The following LRP5 variants were observed in gnomAD, a reference collection of about 807,000 sequenced individuals.
The protein encoded by LRP5 is LDL receptor related protein 5.
Under a neutral mutation model 154.1 loss-of-function variants are expected in LRP5, and 62 were observed. The observed-to-expected ratio is 0.40, with a 90% CI of 0.33 to 0.50. The LOEUF is 0.50. LRP5 is among the 20% of genes least tolerant of loss of function. The pLI, the probability that LRP5 is intolerant of heterozygous loss-of-function variation, is 0.55. For missense variants in LRP5, 1,915 were observed against 2,336.7 expected (o/e 0.82, Z 3.72); for synonymous variants, 966 against 1,011.5 (o/e 0.96, Z 0.85).
chr11:68,372,945 C>G (rs548050388), intron 5 of LRP5, among the ~76,000 whole-genome samples: 145 of 152,176 alleles, frequency 9.5e-4, no homozygotes, highest in African/African-American at 3.2e-3. Context: ...CACTCAGACT[C>G]TTAAGACACA....
chr11:68,409,071 AAAAT>A (rs2098657528), intron 9 of LRP5, among the ~76,000 whole-genome samples: 5 of 52,626 alleles, frequency 9.5e-5, no homozygotes, highest in African/African-American at 1.0e-4. Flanking sequence ...AAAAAAAAAA[AAAAT>A]ATATATATAT....
rs200913400 is a variant in LRP5 at position 68,420,414 on chromosome 11, GT to G, written c.3028-3073del. 7.9e-3 allele frequency among the ~76,000 whole-genome samples: 1,209 copies of G among 152,144 alleles called. 14 individuals are homozygous for G. Among genetic ancestry groups the G allele is most frequent in the African/African-American group, 0.028 (1,144 of 41,520 alleles). On this transcript the variant is annotated intron_variant, in intron 13 of 22. Transcript: ENST00000294304. ...TTCCTTAAAGCCTGAATAATAACCC[GT>G]TGTAAAGGCTGGGCGCGGTGGCTCA...
At position 68,312,733 on chromosome 11, in the gene LRP5, G is replaced by C. The variant is rs1320492358; in HGVS notation, c.19G>C (p.Gly7Arg). 2 of 1,054,522 alleles carry C rather than the reference G, an allele frequency of 1.9e-6. No homozygotes were observed. The highest frequency in any genetic ancestry group is 2.3e-6 in the Non-Finnish European group (2 of 874,984). 65.3% of individuals were successfully genotyped at this position (1,054,522 alleles called of 1,614,324 possible). The change falls in exon 1 of 23, where the codon GGG becomes CGG. Residue 7 changes from glycine (G) to arginine (R), a missense_variant. By Grantham distance (125) the Gly-to-Arg change is moderately radical (BLOSUM62 -2). Around this residue, in one of 3 missense-constraint regions of LRP5, gnomAD observed 48 missense variants for 25.7 expected, o/e 1.87. Transcript: ENST00000294304. MEAAPPGPPWPLLLLLL... is the reference protein window; with the variant it reads MEAAPPRPPWPLLLLLL... ...GGACAACATGGAGGCAGCGCCGCCC[G>C]GGCCGCCGTGGCCGCTGCTGCTGCT...
chr11:68,324,709 A>G (rs1591175808), intron 1 of LRP5, among the ~76,000 whole-genome samples: 1 of 152,230 alleles, frequency 6.6e-6, no homozygotes, highest in Non-Finnish European at 1.5e-5. Context: ...AGCTGTGCCC[A>G]CTGGCAGAGC....
intron 2 of LRP5, among the ~76,000 whole-genome samples, chr11:68,355,608 A>G (rs1398628431): frequency 6.6e-6 from 1 of 152,130 alleles, no homozygotes; most frequent in African/African-American, 2.4e-5. Context: ...ACCTCCAAAC[A>G]GGGCACACTG....
At chr11:68,348,608 G>C (rs1372099967) in intron 2 of LRP5, among the ~76,000 whole-genome samples, 1 of 150,534 alleles carries the variant, frequency 6.6e-6, no homozygotes, top group Admixed American at 6.6e-5. Flanking sequence ...GAACCCGTGG[G>C]GGGGTTGGCT....
chr11:68,312,789 C>A lies in LRP5; in HGVS notation c.75C>A (p.Cys25Ter). Residue 25 changes from cysteine (C) to a stop codon, truncating the protein, a stop_gained, in exon 1 of 23, where the codon TGC becomes TGA. Coordinates refer to ENST00000294304, the MANE Select transcript of LRP5 (RefSeq NM_002335.4). LOFTEE classifies it high-confidence loss of function. ...LLLLLLALCGCPAPAAASPLL... is the reference protein window; with the variant it reads ...LLLLLLALCG ...TGCTGCTGCTGGCGCTGTGCGGCTG[C>A]CCGGCCCCCGCCGCGGGTAGGTGGG... 1 of 1,079,392 alleles carries A rather than the reference C, an allele frequency of 9.3e-7. No homozygotes were observed. 66.9% of individuals were successfully genotyped at this position (1,079,392 alleles called of 1,614,324 possible). A position where few individuals can be genotyped will look rare whatever the true frequency, so the allele number is the denominator to read the frequency against.
At chr11:68,431,744 A>C (rs189986311) in intron 17 of LRP5, among the ~76,000 whole-genome samples, 9 of 152,296 alleles carry the variant, frequency 5.9e-5, no homozygotes, top group African/African-American at 2.2e-4. Flanking sequence ...TTGCAACCCA[A>C]CGGTGTCTGT....
At chr11:68,312,891 G>A in intron 1 of LRP5, 86 bp downstream of exon 1, 3 of 756,950 alleles carry the variant, frequency 4.0e-6, no homozygotes, top group Non-Finnish European at 3.2e-6. Context: ...GGGCGCCGCC[G>A]CCGTCTCGGA....
At chr11:68,417,662 C>T (rs1192693445) in intron 13 of LRP5, among the ~76,000 whole-genome samples, 3 of 151,632 alleles carry the variant, frequency 2.0e-5, no homozygotes, top group Admixed American at 6.6e-5. Context: ...AGGCTGGGCG[C>T]GGTGGCTCAC....
intron 7 of LRP5, among the ~76,000 whole-genome samples, chr11:68,396,651 C>T (rs1382129562): frequency 1.3e-5 from 2 of 152,156 alleles, no homozygotes; most frequent in East Asian, 3.8e-4. Flanking sequence ...CTGGGAGGCC[C>T]CTCCTGCTGG....
At chr11:68,436,144 G>A (rs1045682270) in intron 18 of LRP5, among the ~76,000 whole-genome samples, 5 of 152,166 alleles carry the variant, frequency 3.3e-5, no homozygotes, top group East Asian at 3.9e-4. Context: ...CCCTTACGCC[G>A]GTTCTGGCTG....
chr11:68,323,933 C>T (rs1278137015), intron 1 of LRP5, among the ~76,000 whole-genome samples: 2 of 152,206 alleles, frequency 1.3e-5, no homozygotes, highest in African/African-American at 2.4e-5. Flanking sequence ...CCCGCAGCCG[C>T]CTGCTCCCTT....
At chr11:68,415,979 CGA>C (rs2098662306) in intron 12 of LRP5, among the ~76,000 whole-genome samples, 1 of 150,480 alleles carries the variant, frequency 6.6e-6, no homozygotes, top group Non-Finnish European at 1.5e-5. Context: ...GGCGTGAACC[CGA>C]GAGGCAGAGC....
chr11:68,361,128 AC>A (rs1279727702), intron 3 of LRP5, among the ~76,000 whole-genome samples: 1 of 149,886 alleles, frequency 6.7e-6, no homozygotes, highest in African/African-American at 2.4e-5. Flanking sequence ...ACACAGTGAA[AC>A]CCTGTCTCTA....
intron 10 of LRP5, 59 bp downstream of exon 10, chr11:68,410,199 G>A (rs976890928): frequency 9.9e-6 from 14 of 1,416,084 alleles, no homozygotes; most frequent in Admixed American, 1.9e-5. Context: ...CAGTGCGGGG[G>A]TGCCAACTGG....
At chr11:68,343,933 C>T (rs1381471540) in intron 1 of LRP5, among the ~76,000 whole-genome samples, 2 of 152,220 alleles carry the variant, frequency 1.3e-5, no homozygotes, top group African/African-American at 4.8e-5. Context: ...GGGCTCCTCC[C>T]TCACTGAGTG....
At chr11:68,333,787 T>C (rs1022737057) in intron 1 of LRP5, among the ~76,000 whole-genome samples, 2 of 152,162 alleles carry the variant, frequency 1.3e-5, no homozygotes, top group Non-Finnish European at 2.9e-5. Context: ...AGAAGGACAT[T>C]GGAGAGGACT....
chr11:68,423,638 G>A lies in LRP5; in HGVS notation c.3177G>A (p.Gly1059=). Residue 1059 remains glycine (G), a synonymous_variant, in exon 14 of 23, where the codon GGG becomes GGA. Coordinates refer to ENST00000294304, the MANE Select transcript of LRP5 (RefSeq NM_002335.4). This position sits in a 1 kb window ranked among gnomAD's most constrained non-coding sequence, Gnocchi z 4.7. The part of the protein sequence containing the change: ...NVHRLSGEAM[G]VVLRGDRDKP... ...ACAGGCTGAGCGGGGAAGCCATGGG[G>A]GTGGTGCTGCGTGGGGACCGCGACA... 1 of 1,614,154 alleles carries A rather than the reference G, an allele frequency of 6.2e-7. No homozygotes were observed. The highest frequency in any genetic ancestry group is 2.2e-5 in the East Asian group (1 of 44,888).
Sources: gnomAD v4.1 joint callset for allele counts (sites outside exome capture counted in the v4.1 genomes callset) on GRCh38, gnomAD v4.1.1 for gene constraint, gnomAD v4.1.1 regional missense constraint, Gnocchi (gnomAD v3.1) non-coding constraint, MANE v1.5 for transcripts, NCBI Gene and HGNC (gene_info 2026-07-23, HGNC 2026-07-21) for gene names.